The following CDH7 variants were observed in gnomAD, a reference collection of about 807,000 sequenced individuals.
CDH7 encodes the protein cadherin 7.
Under a neutral mutation model 71.8 loss-of-function variants are expected in CDH7, and 25 were observed. The ratio of observed to expected loss-of-function variants is 0.35; its 90% CI spans 0.25 to 0.49. CDH7 has a LOEUF of 0.49. CDH7 is among the 20% of genes least tolerant of loss of function. CDH7 has a pLI of 0.99. For synonymous variants in CDH7, 381 were observed against 363.8 expected, an observed-to-expected ratio of 1.05 and a Z score of -0.54; for missense variants, 862 against 974.6, an observed-to-expected ratio of 0.88 and a Z score of 1.54.
chr18:65,794,140 G>A (rs969400331), intron 2 of CDH7, among the ~76,000 whole-genome samples: 5 of 150,830 alleles, frequency 3.3e-5, no homozygotes, highest in African/African-American at 1.2e-4. Flanking sequence ...TACTTGTTAT[G>A]ATAAATAACA....
intron 7 of CDH7, among the ~76,000 whole-genome samples, chr18:65,846,758 T>G (rs777934893): frequency 6.6e-6 from 1 of 152,210 alleles, no homozygotes; most frequent in South Asian, 2.1e-4. Flanking sequence ...CCTTGTCTTC[T>G]GTGTTTTTGT....
chr18:65,754,182 C>T (rs926819561), intron 1 of CDH7, among the ~76,000 whole-genome samples: 4 of 152,036 alleles, frequency 2.6e-5, no homozygotes, highest in Admixed American at 1.3e-4. Context: ...TCTTGTTTCC[C>T]CTTTTAAAAA....
At chr18:65,860,093 A>G (rs1913509885) in intron 10 of CDH7, among the ~76,000 whole-genome samples, 1 of 152,190 alleles carries the variant, frequency 6.6e-6, no homozygotes. Flanking sequence ...TCTTATTTGT[A>G]TACCAAGTTC....
intron 1 of CDH7, among the ~76,000 whole-genome samples, chr18:65,755,305 C>G (rs1370332008): frequency 6.6e-6 from 1 of 152,152 alleles, no homozygotes; most frequent in Non-Finnish European, 1.5e-5. Flanking sequence ...CAAAGTAAAG[C>G]AAGGGCTACC....
intron 6 of CDH7, among the ~76,000 whole-genome samples, chr18:65,842,793 T>C (rs1362900886): frequency 6.6e-6 from 1 of 151,544 alleles, no homozygotes; most frequent in Non-Finnish European, 1.5e-5. Flanking sequence ...TAATGCCTTA[T>C]TCTTATATAC....
chr18:65,824,756 G>A lies in CDH7; in HGVS notation c.906G>A (p.Val302=), dbSNP rs374395832. The change falls in exon 6 of 12, where the codon GTG becomes GTA. Residue 302 remains valine (V), a synonymous_variant. Transcript: ENST00000397968. ...GANAEMEYKI[V]DGDGLGIFKI... The stretch of plus-strand genomic sequence containing the variant: ...ATGCTGAAATGGAGTACAAGATTGT[G>A]GATGGTGATGGTTTGGGCATTTTTA... The A allele has an allele frequency of 1.9e-6, 3 of 1,612,600 alleles. No individual in the cohort carries two copies. Among genetic ancestry groups the A allele is most frequent in the Non-Finnish European group, 2.5e-6 (3 of 1,178,872 alleles).
At chr18:65,778,906 T>C (rs992168406) in intron 2 of CDH7, among the ~76,000 whole-genome samples, 3 of 152,142 alleles carry the variant, frequency 2.0e-5, no homozygotes, top group Non-Finnish European at 4.4e-5. Flanking sequence ...TACAAACTAA[T>C]AGATTCTCCA....
At chr18:65,834,813 G>C (rs1260468029) in intron 6 of CDH7, among the ~76,000 whole-genome samples, 2 of 152,046 alleles carry the variant, frequency 1.3e-5, no homozygotes, top group Non-Finnish European at 2.9e-5. Context: ...AGTTTATTTT[G>C]GTTCATTTTA....
Position 65,762,853 on chromosome 18 carries a change from G to A in CDH7, c.11G>A (p.Gly4Asp). Residue 4 changes from glycine (G) to aspartate (D), a missense_variant, in exon 2 of 12, where the codon GGC (glycine) becomes GAC (aspartate). By Grantham distance (94) the Gly-to-Asp change is moderately conservative. Transcript: ENST00000397968. Reference protein sequence around the residue: MKLGKVEFCHFLQL... With the variant: MKLDKVEFCHFLQL... ...AAAGAAAAAAAAAAGATGAAGTTGG[G>A]CAAAGTGGAGTTCTGCCATTTTCTG... 1 of 1,609,262 alleles carries A rather than the reference G, an allele frequency of 6.2e-7. No individual in the cohort carries two copies. The highest frequency in any genetic ancestry group is 2.2e-5 in the East Asian group (1 of 44,834).
At chr18:65,821,863 G>A (rs1275866475) in intron 4 of CDH7, among the ~76,000 whole-genome samples, 3 of 152,132 alleles carry the variant, frequency 2.0e-5, no homozygotes, top group Middle Eastern at 3.4e-3. Flanking sequence ...TCTTTATTCA[G>A]TATTGAGAAA....
At chr18:65,792,922 C>G (rs939531465) in intron 2 of CDH7, among the ~76,000 whole-genome samples, 9 of 152,142 alleles carry the variant, frequency 5.9e-5, no homozygotes, top group African/African-American at 1.9e-4. Flanking sequence ...GTATTCTGCC[C>G]TTGGCTGTCC....
chr18:65,793,061 A>G (rs1267994883), intron 2 of CDH7, among the ~76,000 whole-genome samples: 4 of 152,030 alleles, frequency 2.6e-5, no homozygotes, highest in Non-Finnish European at 4.4e-5. Context: ...ATCTCTTACA[A>G]CTTGAGCATT....
intron 2 of CDH7, among the ~76,000 whole-genome samples, chr18:65,771,505 A>G (rs184488520): frequency 4.6e-5 from 7 of 151,790 alleles, no homozygotes; most frequent in African/African-American, 1.4e-4. Flanking sequence ...ATAAAAATAA[A>G]AAACAAACAA....
At chr18:65,781,803 C>CT (rs1910219285) in intron 2 of CDH7, among the ~76,000 whole-genome samples, 1 of 68,520 alleles carries the variant, frequency 1.5e-5, no homozygotes, top group South Asian at 7.0e-4. Context: ...TCCTTCCTTC[C>CT]TTCCTTCCTT....
intron 1 of CDH7, among the ~76,000 whole-genome samples, chr18:65,752,906 A>G (rs536268138): frequency 6.6e-6 from 1 of 152,364 alleles, no homozygotes; most frequent in African/African-American, 2.4e-5. Flanking sequence ...ATTGTAATTA[A>G]GGGCTGCAAG....
intron 2 of CDH7, among the ~76,000 whole-genome samples, chr18:65,794,993 C>G (rs1053923309): frequency 2.6e-5 from 4 of 152,078 alleles, no homozygotes; most frequent in African/African-American, 9.7e-5. Flanking sequence ...AATAAAAGAG[C>G]TATACAACAA....
At chr18:65,830,837 C>A (rs1454589306) in intron 6 of CDH7, among the ~76,000 whole-genome samples, 1 of 150,806 alleles carries the variant, frequency 6.6e-6, no homozygotes, top group Non-Finnish European at 1.5e-5. Flanking sequence ...CATGATAGCT[C>A]TTGGCTGTTT....
intron 1 of CDH7, among the ~76,000 whole-genome samples, chr18:65,760,795 C>T (rs958996256): frequency 1.3e-5 from 2 of 152,100 alleles, no homozygotes; most frequent in East Asian, 1.9e-4. Context: ...CCACTCTTCA[C>T]GATTCTCATC....
intron 2 of CDH7, among the ~76,000 whole-genome samples, chr18:65,800,103 G>T (rs887009928): frequency 6.6e-6 from 1 of 151,886 alleles, no homozygotes; most frequent in Non-Finnish European, 1.5e-5. Context: ...TTTTTGAGAC[G>T]AAGTCTTATT....
Sources: allele counts gnomAD v4.1 joint callset (sites outside exome capture counted in the v4.1 genomes callset), GRCh38; gene constraint gnomAD v4.1.1; transcripts MANE v1.5; gene names NCBI Gene and HGNC (gene_info 2026-07-23, HGNC 2026-07-21).